The following MAPKBP1 variants were observed in gnomAD, a reference collection of about 807,000 sequenced individuals.
The protein encoded by MAPKBP1 is mitogen-activated protein kinase binding protein 1, also known as mitogen-activated protein kinase-binding protein 1.
Under a neutral mutation model 170.5 loss-of-function variants are expected in MAPKBP1, and 71 were observed. That is an observed-to-expected ratio of 0.42 (90% CI 0.34 to 0.51). The LOEUF (loss-of-function observed/expected upper bound fraction) is 0.51, where lower values mean the gene tolerates loss of function less well. MAPKBP1 is among the 20% of genes least tolerant of loss of function. The probability of loss-of-function intolerance (pLI) is 0.06; values close to 1 mark genes in which losing one functional copy is unlikely to be tolerated. For synonymous variants in MAPKBP1, 719 were observed against 757.9 expected (o/e 0.95, Z 0.84); for missense variants, 1,598 against 1,933.0 (o/e 0.83, Z 3.25).
At position 41,802,602 on chromosome 15, in the gene MAPKBP1, T is replaced by C. The variant is rs546480512; in HGVS notation, c.206+2688T>C. On this transcript the variant is annotated intron_variant, in intron 3 of 30. Coordinates refer to ENST00000457542, the MANE Select transcript of MAPKBP1 (RefSeq NM_014994.3). ...GATTCTCCTGCCTCAGCCTCCTGAG[T>C]AGTTGGGATTACAGGCTCCTGCCAC... Among the ~76,000 whole-genome samples, 3 of 152,208 alleles carry C rather than the reference T, an allele frequency of 2.0e-5. No homozygotes were observed. In the South Asian group the frequency reaches 6.2e-4, roughly 32 times the overall value.
intron 2 of MAPKBP1, among the ~76,000 whole-genome samples, chr15:41,783,747 C>T (rs946143209): frequency 6.6e-5 from 10 of 152,184 alleles, no homozygotes; most frequent in African/African-American, 2.4e-4. Flanking sequence ...CTTGGCCTCA[C>T]GCCTATAATC....
chr15:41,785,494 C>T (rs749816496), intron 2 of MAPKBP1, among the ~76,000 whole-genome samples: 20 of 152,082 alleles, frequency 1.3e-4, no homozygotes, highest in Non-Finnish European at 1.9e-4. Context: ...TAGAAACCAC[C>T]GGGGTGATGA....
Position 41,822,693 on chromosome 15 carries a change from A to T in MAPKBP1, c.3314+16A>T. 1 of 1,612,798 alleles carries T rather than the reference A, an allele frequency of 6.2e-7. No individual in the cohort carries two copies. Among genetic ancestry groups the T allele is most frequent in the Admixed American group, 1.7e-5 (1 of 59,936 alleles). On this transcript the variant is annotated intron_variant, in intron 27 of 30. Coordinates refer to ENST00000457542, the MANE Select transcript of MAPKBP1 (RefSeq NM_014994.3). ...GCCCACTCAGGTACAGAGGCCCCCT[A>T]CCCCCCAGCAGCAGCTCTGGCTCTC...
chr15:41,802,035 G>A (rs560462378), intron 3 of MAPKBP1, among the ~76,000 whole-genome samples: 96 of 152,116 alleles, frequency 6.3e-4, no homozygotes, highest in Non-Finnish European at 1.0e-3. Context: ...AGGCTACATG[G>A]TGTAGCCGGT....
At chr15:41,811,831 C>G in intron 5 of MAPKBP1, 126 bp from the exon 6 acceptor site, 2 of 925,844 alleles carry the variant, frequency 2.2e-6, no homozygotes, top group Middle Eastern at 2.1e-4. Flanking sequence ...CCTGCCCTGA[C>G]TTTTGGCTGG....
In MAPKBP1 at chr15:41,817,713, G is replaced by C; in HGVS notation, c.1882G>C (p.Gly628Arg). ...GCCCAGCTGGAAGTACACGGCTATC[G>C]GCTGCCAGGACCGAAATATTCGGTG... Reference protein sequence around the residue: ...VEPSWKYTAIGCQDRNIRIFN... With the variant: ...VEPSWKYTAIRCQDRNIRIFN... Residue 628 changes from glycine (G) to arginine (R), a missense_variant, in exon 16 of 31, where the codon GGC (glycine) becomes CGC (arginine). This residue lies in a region of MAPKBP1 where 430 missense variants were observed against 617.2 expected (regional missense o/e 0.70). Transcript: ENST00000457542. This position sits in a 1 kb window ranked among gnomAD's most constrained non-coding sequence, Gnocchi z 4.2. 1 of 1,613,934 alleles carries C rather than the reference G, an allele frequency of 6.2e-7. No individual in the cohort carries two copies. Among genetic ancestry groups the C allele is most frequent in the Non-Finnish European group, 8.5e-7 (1 of 1,179,912 alleles).
rs986531655 is a variant in MAPKBP1, at chr15:41,813,897, A to T, written c.980+116A>T. ...ATTGATGCCCCAAAGATTATTGGGA[A>T]CACCTCTTTAGACAGAAGAATTTGG... On this transcript the variant is annotated intron_variant, in intron 9 of 30. Coordinates refer to ENST00000457542, the MANE Select transcript of MAPKBP1 (RefSeq NM_014994.3). 8 of 1,218,954 alleles carry T rather than the reference A, an allele frequency of 6.6e-6. No individual in the cohort carries two copies. In the African/African-American group the frequency reaches 1.1e-4, roughly 17 times the overall value. 75.5% of individuals were successfully genotyped at this position (1,218,954 alleles called of 1,614,324 possible).
chr15:41,822,907 T>C, intron 27 of MAPKBP1, 32 bp from the exon 28 acceptor site: 1 of 1,578,150 alleles, frequency 6.3e-7, no homozygotes, highest in Non-Finnish European at 8.6e-7. Flanking sequence ...TTGAGCCTTC[T>C]CTGGGCCTTC....
At chr15:41,804,972 T>C (rs907637898) in intron 3 of MAPKBP1, among the ~76,000 whole-genome samples, 1 of 152,218 alleles carries the variant, frequency 6.6e-6, no homozygotes, top group Non-Finnish European at 1.5e-5. Flanking sequence ...CCTCCTTGTC[T>C]CCCTGCTTTT....
chr15:41,807,921 C>T (rs1567145769), intron 3 of MAPKBP1, among the ~76,000 whole-genome samples: 1 of 151,554 alleles, frequency 6.6e-6, no homozygotes, highest in African/African-American at 2.4e-5. Context: ...TGCCTGTAAT[C>T]CCAGCTACTG....
rs1335126578 is a variant in MAPKBP1, at chr15:41,823,149, C to G, written c.3525C>G (p.Pro1175=). The G allele has an allele frequency of 6.2e-7, 1 of 1,613,564 alleles. No individual in the cohort carries two copies. The highest frequency in any genetic ancestry group is 1.3e-5 in the African/African-American group (1 of 74,942). The stretch of plus-strand genomic sequence containing the variant: ...TCAACCCTGACAGCAGCTGGGCTCC[C>G]AAGAGAGTGGCCACAGCCAGCCCCT... The part of the protein sequence containing the change: ...CRLNPDSSWA[P]KRVATASPFS... Residue 1175 remains proline, a synonymous_variant, in exon 28 of 31, where the codon CCC becomes CCG. Transcript: ENST00000457542.
chr15:41,782,202 C>A (rs1427882677), intron 2 of MAPKBP1, among the ~76,000 whole-genome samples: 5 of 144,032 alleles, frequency 3.5e-5, no homozygotes, highest in African/African-American at 1.3e-4. Flanking sequence ...GCGGAGCTTG[C>A]AGTGAGCTGA....
chr15:41,824,373 G>C (rs555386832), intron 29 of MAPKBP1, 111 bp from the exon 30 acceptor site: 18 of 1,009,886 alleles, frequency 1.8e-5, no homozygotes, highest in South Asian at 7.8e-5. Flanking sequence ...CTGAGGGCAA[G>C]TGGGGGGTGC....
At position 41,817,406 on chromosome 15, in the gene MAPKBP1, G is replaced by T. The variant is rs773163952; in HGVS notation, c.1730G>T (p.Arg577Leu). Residue 577 changes from arginine (R) to leucine (L), a missense_variant, in exon 15 of 31, where the codon CGC becomes CTC. Arg to Leu is a moderately radical substitution (Grantham distance 102). Transcript: ENST00000457542. This position sits in a 1 kb window ranked among gnomAD's most constrained non-coding sequence, Gnocchi z 4.2. ...VKFAASDGQV[R>L]MISCGADKSI... The stretch of plus-strand genomic sequence containing the variant: ...TTCATAGCCAGTGATGGGCAAGTCC[G>T]CATGATCAGCTGTGGAGCAGACAAG... The T allele has an allele frequency of 5.0e-6, 8 of 1,613,908 alleles. No individual in the cohort carries two copies. The highest frequency in any genetic ancestry group is 2.7e-5 in the African/African-American group (2 of 74,896).
Position 41,821,722 on chromosome 15 carries a change from C to A in MAPKBP1, c.2857C>A (p.Pro953Thr). The stretch of plus-strand genomic sequence containing the variant: ...TGAAGATGGTATTGTCTACCCGGAG[C>A]CGAGTGACAACCCCACCATGGATAC... ...PIEDGIVYPEPSDNPTMDTSE... is the reference protein window; with the variant it reads ...PIEDGIVYPETSDNPTMDTSE... The change falls in exon 24 of 31, where the codon CCG becomes ACG. Residue 953 changes from proline (P) to threonine (T), a missense_variant. Transcript: ENST00000457542. The A allele has an allele frequency of 6.2e-7, 1 of 1,614,076 alleles. No homozygotes were observed. The highest frequency in any genetic ancestry group is 2.2e-5 in the East Asian group (1 of 44,876).
At chr15:41,786,143 T>G (rs886463673) in intron 2 of MAPKBP1, among the ~76,000 whole-genome samples, 2 of 152,212 alleles carry the variant, frequency 1.3e-5, no homozygotes, top group Non-Finnish European at 2.9e-5. Flanking sequence ...TTTATGTTAA[T>G]GATTATTTAT....
intron 22 of MAPKBP1, 55 bp downstream of exon 22, chr15:41,819,705 G>A: frequency 1.3e-6 from 2 of 1,546,208 alleles, no homozygotes; most frequent in Admixed American, 1.7e-5. Context: ...AAAGGGAGCT[G>A]TGAGAACAGG....
intron 2 of MAPKBP1, among the ~76,000 whole-genome samples, chr15:41,790,222 A>G (rs1367152090): frequency 6.6e-6 from 1 of 152,214 alleles, no homozygotes; most frequent in Non-Finnish European, 1.5e-5. Flanking sequence ...CACTGGGACT[A>G]ACCCAAGAGA....
At chr15:41,812,431 T>C in intron 6 of MAPKBP1, 85 bp from the exon 7 acceptor site, 1 of 1,563,100 alleles carries the variant, frequency 6.4e-7, no homozygotes, top group East Asian at 2.2e-5. Context: ...CAAGTACAAA[T>C]TCTAATTCTC....
Sources: allele counts gnomAD v4.1 joint callset (sites outside exome capture counted in the v4.1 genomes callset), GRCh38; gene constraint gnomAD v4.1.1; regional missense constraint gnomAD v4.1.1; non-coding constraint Gnocchi (gnomAD v3.1); transcripts MANE v1.5; gene names NCBI Gene and HGNC (gene_info 2026-07-23, HGNC 2026-07-21).